Variants in C8orf34 observed in about 807,000 individuals in gnomAD.
C8orf34 encodes uncharacterized protein C8orf34.
Under a neutral mutation model 68.3 loss-of-function variants are expected in C8orf34, and 65 were observed. That is an observed-to-expected ratio of 0.95 (90% CI 0.78 to 1.17). The LOEUF (loss-of-function observed/expected upper bound fraction) is 1.17. Ranked by LOEUF, C8orf34 falls within the 50% of genes most tolerant of loss-of-function variation. The pLI, the probability that C8orf34 is intolerant of heterozygous loss-of-function variation, is 0.00. For synonymous variants in C8orf34, 244 were observed against 241.2 expected (o/e 1.01, Z -0.11); for missense variants, 664 against 655.4 (o/e 1.01, Z -0.14).
At chr8:68,374,157 C>A (rs1396155001) in intron 1 of C8orf34, among the ~76,000 whole-genome samples, 1 of 152,188 alleles carries the variant, frequency 6.6e-6, no homozygotes, top group Non-Finnish European at 1.5e-5. Flanking sequence ...TCAAGTAATT[C>A]TTCCACCTCG....
intron 8 of C8orf34, among the ~76,000 whole-genome samples, chr8:68,649,681 T>C (rs772928331): frequency 2.6e-5 from 4 of 152,214 alleles, no homozygotes; most frequent in Non-Finnish European, 5.9e-5. Context: ...CTCCTTCTGG[T>C]AGCTGTTTTG....
At chr8:68,764,533 G>A (rs966890815) in intron 10 of C8orf34, among the ~76,000 whole-genome samples, 1 of 152,148 alleles carries the variant, frequency 6.6e-6, no homozygotes, top group Non-Finnish European at 1.5e-5. Context: ...GGCTGGGGGA[G>A]TCTTCCTCGA....
intron 8 of C8orf34, among the ~76,000 whole-genome samples, chr8:68,680,927 G>C (rs555419807): frequency 1.3e-5 from 2 of 152,026 alleles, no homozygotes; most frequent in Non-Finnish European, 2.9e-5. Context: ...CAGAGCGGCC[G>C]TGTATAGACC....
intron 7 of C8orf34, among the ~76,000 whole-genome samples, chr8:68,582,608 C>G (rs1316905137): frequency 6.6e-6 from 1 of 152,054 alleles, no homozygotes; most frequent in African/African-American, 2.4e-5. Flanking sequence ...GACCTTGGTT[C>G]TGAGGCTGCT....
intron 4 of C8orf34, 78 bp from the exon 5 acceptor site, chr8:68,487,945 T>C: frequency 1.1e-6 from 1 of 939,518 alleles, no homozygotes; most frequent in Admixed American, 2.3e-5. Context: ...CTTTTACAAA[T>C]AGAAAGTTTG....
intron 1 of C8orf34, among the ~76,000 whole-genome samples, chr8:68,341,668 G>A (rs887022082): frequency 2.6e-5 from 4 of 152,006 alleles, no homozygotes; most frequent in Admixed American, 6.6e-5. Context: ...AAGTGGTGTG[G>A]CACCTACTCC....
chr8:68,613,090 TTTC>T (rs1818071510), intron 7 of C8orf34, among the ~76,000 whole-genome samples: 1 of 152,166 alleles, frequency 6.6e-6, no homozygotes, highest in South Asian at 2.1e-4. Flanking sequence ...AATATGTATT[TTTC>T]TTCTAGAAAG....
chr8:68,619,459 A>G (rs1238865896), intron 7 of C8orf34, among the ~76,000 whole-genome samples: 1 of 150,356 alleles, frequency 6.7e-6, no homozygotes, highest in East Asian at 1.9e-4. Context: ...CATGCAGGGA[A>G]CCTGGTTATC....
intron 7 of C8orf34, among the ~76,000 whole-genome samples, chr8:68,613,093 C>G (rs1818071599): frequency 2.6e-5 from 4 of 151,948 alleles, no homozygotes; most frequent in African/African-American, 7.2e-5. Context: ...ATGTATTTTT[C>G]TTCTAGAAAG....
At chr8:68,505,740 A>G (rs1309955873) in intron 5 of C8orf34, among the ~76,000 whole-genome samples, 1 of 91,404 alleles carries the variant, frequency 1.1e-5, no homozygotes, top group Non-Finnish European at 1.9e-5. Context: ...TCCGTCTCCA[A>G]AAAAAAAAAA....
chr8:68,745,313 G>A (rs1347064840), intron 10 of C8orf34, among the ~76,000 whole-genome samples: 1 of 151,944 alleles, frequency 6.6e-6, no homozygotes, highest in African/African-American at 2.4e-5. Context: ...AGACTAGGAA[G>A]AAACTGCATC....
chr8:68,617,150 C>T (rs1468863581), intron 7 of C8orf34, among the ~76,000 whole-genome samples: 3 of 152,114 alleles, frequency 2.0e-5, no homozygotes, highest in South Asian at 4.1e-4. Context: ...GGTAGATCTT[C>T]CTCCATCCTT....
intron 10 of C8orf34, among the ~76,000 whole-genome samples, chr8:68,751,361 G>A (rs900015891): frequency 3.9e-5 from 6 of 152,124 alleles, no homozygotes; most frequent in African/African-American, 1.4e-4. Context: ...TTGAAGGGTG[G>A]CATTAGAGTT....
chr8:68,416,512 CATTTATTTATTTATTT>C (rs3057630), intron 1 of C8orf34, among the ~76,000 whole-genome samples: 30 of 146,052 alleles, frequency 2.1e-4, no homozygotes, highest in African/African-American at 7.0e-4. Context: ...ATTAAACATA[CATTTATTTATTTATTT>C]ATTTATTTAT....
At chr8:68,653,991 T>C (rs190155056) in intron 8 of C8orf34, among the ~76,000 whole-genome samples, 1 of 152,328 alleles carries the variant, frequency 6.6e-6, no homozygotes, top group East Asian at 1.9e-4. Context: ...TTAATACATA[T>C]TTATATGACA....
chr8:68,743,856 G>T (rs183787789), intron 10 of C8orf34, among the ~76,000 whole-genome samples: 1 of 152,030 alleles, frequency 6.6e-6, no homozygotes, highest in Non-Finnish European at 1.5e-5. Context: ...AAGCAGCCCC[G>T]GAGCTGGAAC....
chr8:68,587,541 C>T (rs1412589842), intron 7 of C8orf34, among the ~76,000 whole-genome samples: 1 of 150,998 alleles, frequency 6.6e-6, no homozygotes, highest in Non-Finnish European at 1.5e-5. Flanking sequence ...TTTTGAGTGA[C>T]ACAAAGATAG....
chr8:68,468,596 A>T lies in C8orf34; in HGVS notation c.608-96A>T, dbSNP rs1416633977. 4.1e-6 allele frequency: 5 copies of T among 1,214,056 alleles called. No individual in the cohort carries two copies. The African/African-American group carries it at 6.2e-5, about 15-fold the overall frequency. 75.2% of individuals were successfully genotyped at this position (1,214,056 alleles called of 1,614,324 possible). A position where few individuals can be genotyped will look rare whatever the true frequency, so the allele number is the denominator to read the frequency against. Reference sequence around the variant, plus strand: ...TCAAGATAAACACTTTTTATTCTATACATTGATCTTGGTACAGTCTTTCAC... The same window carrying T: ...TCAAGATAAACACTTTTTATTCTATTCATTGATCTTGGTACAGTCTTTCAC... On this transcript the variant is annotated intron_variant, in intron 3 of 13. Transcript: ENST00000518698.
intron 7 of C8orf34, among the ~76,000 whole-genome samples, chr8:68,588,175 T>C (rs1055012715): frequency 1.3e-5 from 2 of 152,148 alleles, no homozygotes; most frequent in Non-Finnish European, 2.9e-5. Flanking sequence ...AAGGGAAATC[T>C]AGTTGTCTGT....
Sources: allele counts gnomAD v4.1 joint callset (sites outside exome capture counted in the v4.1 genomes callset), GRCh38; gene constraint gnomAD v4.1.1; transcripts MANE v1.5; gene names NCBI Gene and HGNC (gene_info 2026-07-23, HGNC 2026-07-21).